MGAT4C: variants seen among roughly 807,000 people sequenced by gnomAD.
MGAT4C encodes alpha-1,3-mannosyl-glycoprotein 4-beta-N-acetylglucosaminyltransferase C.
MGAT4C carries 19 observed loss-of-function variants against 40.1 expected under a neutral mutation model. The ratio of observed to expected loss-of-function variants is 0.47; its 90% CI spans 0.33 to 0.70. MGAT4C has a LOEUF of 0.70. Ranked by LOEUF, MGAT4C falls within the 30% of genes least tolerant of loss-of-function variation. The probability of loss-of-function intolerance (pLI) is 0.02; values close to 1 mark genes in which losing one functional copy is unlikely to be tolerated. For synonymous variants in MGAT4C, 181 were observed against 187.1 expected (o/e 0.97, Z 0.27); for missense variants, 491 against 563.2 (o/e 0.87, Z 1.30).
intron 1 of MGAT4C, among the ~76,000 whole-genome samples, chr12:86,777,686 T>C (rs1363722414): frequency 6.6e-6 from 1 of 152,136 alleles, no homozygotes; most frequent in South Asian, 2.1e-4. Flanking sequence ...GAAGGAAACA[T>C]GCATTTCAGC....
chr12:86,492,451 C>T (rs530339442), intron 2 of MGAT4C, among the ~76,000 whole-genome samples: 12 of 152,156 alleles, frequency 7.9e-5, no homozygotes, highest in South Asian at 2.1e-4. Context: ...AACAGAGATA[C>T]AGATCAATGG....
At chr12:86,290,687 G>T (rs1189604732) in intron 4 of MGAT4C, among the ~76,000 whole-genome samples, 4 of 150,182 alleles carry the variant, frequency 2.7e-5, no homozygotes, top group Non-Finnish European at 5.9e-5. Context: ...TGTATATATC[G>T]CCTCTGAAGC....
chr12:86,208,234 G>A (rs1344932432), intron 1 of MGAT4C, among the ~76,000 whole-genome samples: 2 of 152,326 alleles, frequency 1.3e-5, no homozygotes, highest in Admixed American at 1.3e-4. Context: ...GGGAGGCCGA[G>A]GCGGGCAGAT....
intron 1 of MGAT4C, among the ~76,000 whole-genome samples, chr12:86,767,028 G>C (rs565191672): frequency 9.7e-4 from 147 of 152,036 alleles, no homozygotes; most frequent in Non-Finnish European, 1.7e-3. Context: ...CAGAGCAGAA[G>C]TGAAGGAAAT....
chr12:86,305,196 T>C (rs1168185439), intron 4 of MGAT4C, among the ~76,000 whole-genome samples: 1 of 150,426 alleles, frequency 6.6e-6, no homozygotes. Context: ...TTCCAGCACT[T>C]TGGGAGGCCG....
chr12:86,066,475 T>A (rs1894555666), intron 1 of MGAT4C, among the ~76,000 whole-genome samples: 1 of 152,052 alleles, frequency 6.6e-6, no homozygotes, highest in African/African-American at 2.4e-5. Flanking sequence ...ATCCCCTATT[T>A]AATAAATGGT....
At chr12:86,367,724 T>C (rs1955628257) in intron 3 of MGAT4C, among the ~76,000 whole-genome samples, 1 of 152,050 alleles carries the variant, frequency 6.6e-6, no homozygotes, top group Non-Finnish European at 1.5e-5. Flanking sequence ...GCGTGAATCC[T>C]GGAGGCAGAG....
chr12:86,449,403 T>A (rs1341964714), intron 2 of MGAT4C, among the ~76,000 whole-genome samples: 2 of 152,216 alleles, frequency 1.3e-5, no homozygotes, highest in Non-Finnish European at 2.9e-5. Context: ...TACCTAATTT[T>A]GTTTTTATTT....
rs77811546 is a variant in MGAT4C at position 86,637,672 on chromosome 12, G to A, written c.-229+89537C>T. Among the ~76,000 whole-genome samples, 481 of 151,874 alleles carry A rather than the reference G, an allele frequency of 3.2e-3. 1 individual carries two copies. The highest frequency in any genetic ancestry group is 0.011 in the African/African-American group (465 of 41,504). On this transcript the variant is annotated intron_variant, in intron 2 of 7. Transcript: ENST00000548651. ...TCCTCAGGCCAGTTAAAATGGCACCGAGATTTCATTTCCTATGATTATCGA... is the reference window on the plus strand; with the variant it reads ...TCCTCAGGCCAGTTAAAATGGCACCAAGATTTCATTTCCTATGATTATCGA...
intron 2 of MGAT4C, among the ~76,000 whole-genome samples, chr12:86,643,547 G>T (rs746115049): frequency 6.6e-6 from 1 of 151,696 alleles, no homozygotes; most frequent in African/African-American, 2.4e-5. Context: ...TACAACATAG[G>T]TGAATCTTGA....
chr12:86,666,929 G>C lies in MGAT4C; in HGVS notation c.-229+60280C>G, dbSNP rs570220577. 1.4e-3 allele frequency among the ~76,000 whole-genome samples: 207 copies of C among 152,198 alleles called. 1 individual carries two copies. The highest frequency in any genetic ancestry group is 4.8e-3 in the African/African-American group (201 of 41,544). ...TACTTTTATAGTACTGAAGCCCAAT[G>C]CTGTCATCAGAATCAATAGAAACTT... On this transcript the variant is annotated intron_variant, in intron 2 of 7. Coordinates refer to the MGAT4C transcript ENST00000548651.
intron 1 of MGAT4C, among the ~76,000 whole-genome samples, chr12:86,159,237 C>G (rs1487638425): frequency 1.3e-5 from 2 of 151,990 alleles, no homozygotes; most frequent in Non-Finnish European, 2.9e-5. Flanking sequence ...GAGTTTTTAT[C>G]ATGATGGGAT....
At chr12:86,020,906 C>A (rs539336358) in intron 2 of MGAT4C, among the ~76,000 whole-genome samples, 3 of 152,140 alleles carry the variant, frequency 2.0e-5, no homozygotes, top group Non-Finnish European at 4.4e-5. Flanking sequence ...AAACAAACAA[C>A]CCCATCAAAA....
chr12:86,785,844 C>A (rs1328456816), intron 1 of MGAT4C, among the ~76,000 whole-genome samples: 4 of 151,358 alleles, frequency 2.6e-5, no homozygotes, highest in African/African-American at 9.7e-5. Context: ...TTTTTAGGTA[C>A]CCAAAATTTT....
intron 2 of MGAT4C, among the ~76,000 whole-genome samples, chr12:86,015,475 G>C (rs1246101488): frequency 6.6e-6 from 1 of 152,092 alleles, no homozygotes; most frequent in Non-Finnish European, 1.5e-5. Flanking sequence ...GCAGAGGTCT[G>C]GCATCCTTTG....
chr12:86,641,190 T>TA (rs536957757), intron 2 of MGAT4C, among the ~76,000 whole-genome samples: 9 of 151,776 alleles, frequency 5.9e-5, no homozygotes, highest in Non-Finnish European at 1.0e-4. Context: ...TATGCAGCCA[T>TA]AAAAAATGAT....
intron 3 of MGAT4C, among the ~76,000 whole-genome samples, chr12:86,408,872 A>G (rs1186772403): frequency 6.6e-6 from 1 of 152,106 alleles, no homozygotes; most frequent in East Asian, 1.9e-4. Context: ...TAAATAGTAT[A>G]TAACCTATTA....
chr12:86,525,927 C>T (rs965320982), intron 2 of MGAT4C, among the ~76,000 whole-genome samples: 1 of 152,214 alleles, frequency 6.6e-6, no homozygotes, highest in Non-Finnish European at 1.5e-5. Context: ...TCCTCATTCG[C>T]ATGTGCCAGC....
chr12:86,804,479 C>T (rs1952309303), intron 1 of MGAT4C, among the ~76,000 whole-genome samples: 1 of 151,444 alleles, frequency 6.6e-6, no homozygotes, highest in South Asian at 2.1e-4. Flanking sequence ...ATATATTTTT[C>T]TTTTATGAAT....
Sources: gnomAD v4.1 joint callset for allele counts (sites outside exome capture counted in the v4.1 genomes callset) on GRCh38, gnomAD v4.1.1 for gene constraint, MANE v1.5 for transcripts, NCBI Gene and HGNC (gene_info 2026-07-23, HGNC 2026-07-21) for gene names.